The following EDNRB variants were observed in gnomAD, a reference collection of about 807,000 sequenced individuals.
EDNRB encodes endothelin receptor type B, also known as Hirschsprung disease 2.
A neutral mutation model predicts 46.4 loss-of-function variants in EDNRB; 18 were observed. That is an observed-to-expected ratio of 0.39 (90% confidence interval 0.27 to 0.57). EDNRB has a LOEUF of 0.57. EDNRB is among the 20% of genes least tolerant of loss of function. EDNRB has a pLI of 0.61. For missense variants in EDNRB, 434 were observed against 537.5 expected (o/e 0.81, Z 1.90); for synonymous variants, 213 against 204.9 (o/e 1.04, Z -0.34).
intron 1 of EDNRB, among the ~76,000 whole-genome samples, chr13:77,926,958 A>G (rs560059020): frequency 8.5e-5 from 13 of 152,352 alleles, no homozygotes; most frequent in Non-Finnish European, 4.4e-5. Context: ...AAACCATCAG[A>G]TCTTGTGAGA....
At chr13:77,963,124 CACAA>C (rs956497575) in intron 1 of EDNRB, among the ~76,000 whole-genome samples, 53 of 152,186 alleles carry the variant, frequency 3.5e-4, no homozygotes, top group African/African-American at 1.3e-3. Flanking sequence ...TAAAAGAGGA[CACAA>C]ACAAATGGAA....
chr13:77,927,771 C>T (rs1880277739), intron 1 of EDNRB, among the ~76,000 whole-genome samples: 1 of 152,130 alleles, frequency 6.6e-6, no homozygotes, highest in South Asian at 2.1e-4. Context: ...GAAAAGTGTT[C>T]TTATTACTCA....
At chr13:77,899,157 A>G (rs562323506) in intron 6 of EDNRB, among the ~76,000 whole-genome samples, 1 of 152,028 alleles carries the variant, frequency 6.6e-6, no homozygotes, top group South Asian at 2.1e-4. Flanking sequence ...TTGAGTTATG[A>G]GTGGGCGAAG....
intron 1 of EDNRB, among the ~76,000 whole-genome samples, chr13:77,936,103 T>C (rs564555407): frequency 6.7e-4 from 102 of 152,108 alleles, no homozygotes; most frequent in African/African-American, 2.3e-3. Context: ...GTGATTAGGT[T>C]TTAATGGGAT....
upstream of EDNRB, among the ~76,000 whole-genome samples, chr13:77,924,302 G>A (rs1045503666): frequency 6.6e-6 from 1 of 152,200 alleles, no homozygotes; most frequent in Non-Finnish European, 1.5e-5. Context: ...CGTGAAGAAA[G>A]TGATTCTGAA....
chr13:77,966,724 C>T (rs569439282), intron 1 of EDNRB, among the ~76,000 whole-genome samples: 137 of 152,240 alleles, frequency 9.0e-4, no homozygotes, highest in South Asian at 6.2e-3. Flanking sequence ...CATAGATAAG[C>T]AGAGATCTGG....
intron 1 of EDNRB, among the ~76,000 whole-genome samples, chr13:77,908,998 G>T (rs1162436165): frequency 6.6e-6 from 1 of 151,922 alleles, no homozygotes; most frequent in Non-Finnish European, 1.5e-5. Context: ...GTTAAGTCCT[G>T]CTGGCAATAT....
At chr13:77,932,308 A>C (rs565497674) in intron 1 of EDNRB, among the ~76,000 whole-genome samples, 1 of 152,344 alleles carries the variant, frequency 6.6e-6, no homozygotes, top group Admixed American at 6.5e-5. Context: ...ATTTATCAGA[A>C]CATATCTATG....
intron 3 of EDNRB, 35 bp downstream of exon 3, chr13:77,903,121 A>G (rs1879083978): frequency 1.9e-6 from 3 of 1,606,880 alleles, no homozygotes; most frequent in East Asian, 4.5e-5. Context: ...TTATAAGGCA[A>G]GAGCAGAAAG....
Position 77,896,905 on chromosome 13 carries a change from A to C in EDNRB, c.*1295T>G. 1 of 997,702 alleles carries C rather than the reference A, an allele frequency of 1.0e-6. No individual in the cohort carries two copies. The highest frequency in any genetic ancestry group is 1.2e-6 in the Non-Finnish European group (1 of 838,172). 61.8% of individuals were successfully genotyped at this position (997,702 alleles called of 1,614,324 possible). On this transcript the variant is annotated 3_prime_UTR_variant, in exon 7 of 7. Coordinates refer to ENST00000646607, the MANE Select transcript of EDNRB (RefSeq NM_001122659.3). ...AAAGCTAAGAGGTTCTTACGGTCTC[A>C]AAAAGCAGTTTTGCCTCTAGATGAA...
At position 77,900,547 on chromosome 13, in the gene EDNRB, A is replaced by C. The variant is rs1167913825; in HGVS notation, c.1059T>G (p.Asn353Lys). The change falls in exon 5 of 7, where the codon AAT becomes AAG. Residue 353 changes from asparagine (N) to lysine (K), a missense_variant. Asn to Lys is a moderately conservative substitution (Grantham distance 94). Transcript: ENST00000646607. Reference protein sequence around the residue: ...RILKLTLYNQNDPNRCELLSF... With the variant: ...RILKLTLYNQKDPNRCELLSF... ...TCAAAAGTTCACATCTATTGGGATC[A>C]TTCTGATTATAAAGAGTGAGCTTCA... 1.9e-6 allele frequency: 3 copies of C among 1,612,468 alleles called. No individual in the cohort carries two copies. The highest frequency in any genetic ancestry group is 2.5e-6 in the Non-Finnish European group (3 of 1,179,050).
At chr13:77,947,937 G>C (rs1178519987) in intron 1 of EDNRB, among the ~76,000 whole-genome samples, 1 of 151,956 alleles carries the variant, frequency 6.6e-6, no homozygotes, top group East Asian at 1.9e-4. Context: ...TTTCTAAATA[G>C]ATCTCAATCA....
At chr13:77,943,439 G>A (rs1880808722) in intron 1 of EDNRB, among the ~76,000 whole-genome samples, 1 of 152,002 alleles carries the variant, frequency 6.6e-6, no homozygotes, top group African/African-American at 2.4e-5. Flanking sequence ...CTGAAACTCT[G>A]CTTTAGCCTA....
chr13:77,968,650 G>C (rs1275296198), intron 1 of EDNRB, among the ~76,000 whole-genome samples: 2 of 152,120 alleles, frequency 1.3e-5, no homozygotes, highest in Non-Finnish European at 2.9e-5. Context: ...GAAACAAAGA[G>C]AGCATGTGCT....
chr13:77,896,284 T>C lies in EDNRB; in HGVS notation c.*1916A>G. 5 of 576,812 alleles carry C rather than the reference T, an allele frequency of 8.7e-6. No individual in the cohort carries two copies. Among genetic ancestry groups the C allele is most frequent in the Non-Finnish European group, 1.0e-5 (4 of 395,094 alleles). 35.7% of individuals were successfully genotyped at this position (576,812 alleles called of 1,614,324 possible). On this transcript the variant is annotated 3_prime_UTR_variant, in exon 7 of 7. Coordinates refer to ENST00000646607, the MANE Select transcript of EDNRB (RefSeq NM_001122659.3). ...CTAAAATTTAAATAGAAATTAAATA[T>C]ATTAATAAACTGTGAAAATATTAGT...
At chr13:77,967,814 G>A (rs1256706171) in intron 1 of EDNRB, among the ~76,000 whole-genome samples, 1 of 152,174 alleles carries the variant, frequency 6.6e-6, no homozygotes, top group Admixed American at 6.6e-5. Flanking sequence ...CTATGTAGAT[G>A]TTCATTTGAT....
chr13:77,903,850 G>A (rs895057268), intron 1 of EDNRB, among the ~76,000 whole-genome samples: 1 of 151,936 alleles, frequency 6.6e-6, no homozygotes, highest in Non-Finnish European at 1.5e-5. Flanking sequence ...CAGTAGCTTA[G>A]AGTTCAGCTC....
intron 1 of EDNRB, among the ~76,000 whole-genome samples, chr13:77,947,048 C>T (rs1248247361): frequency 1.3e-5 from 2 of 152,186 alleles, no homozygotes; most frequent in African/African-American, 4.8e-5. Flanking sequence ...CTTTTCTAAA[C>T]AGCAAGTTAC....
chr13:77,934,689 G>GT (rs1016088112), intron 1 of EDNRB, among the ~76,000 whole-genome samples: 2 of 149,300 alleles, frequency 1.3e-5, no homozygotes, highest in Non-Finnish European at 3.0e-5. Context: ...AGGGGGGGGG[G>GT]GGCCTGAATA....
Sources: gnomAD v4.1 joint callset for allele counts (sites outside exome capture counted in the v4.1 genomes callset) on GRCh38, gnomAD v4.1.1 for gene constraint, MANE v1.5 for transcripts, NCBI Gene and HGNC (gene_info 2026-07-23, HGNC 2026-07-21) for gene names.